REM1: variants seen among roughly 807,000 people sequenced by gnomAD.
REM1 encodes the protein GTP-binding protein REM 1.
A neutral mutation model predicts 27.0 loss-of-function variants in REM1; 20 were observed. That is an observed-to-expected ratio of 0.74 (90% CI 0.52 to 1.08). REM1 has a LOEUF of 1.08. Among genes scored for constraint, REM1 ranks in the 50% least tolerant of loss-of-function variants. The pLI is 0.00. For synonymous variants in REM1, 159 were observed against 167.9 expected, an observed-to-expected ratio of 0.95 and a Z score of 0.41; for missense variants, 405 against 407.0, an observed-to-expected ratio of 1.00 and a Z score of 0.04.
chr20:31,476,755 C>G lies in REM1; in HGVS notation c.310C>G (p.Gln104Glu). ...TSLASLFAGK[Q>E]ERDLHEQLGE... ...CTTGGCCAGCCTCTTTGCAGGGAAG[C>G]AAGAGAGGGACCTCCATGAACAGCT... is the stretch of plus-strand genomic sequence containing the variant. The change falls in exon 2 of 5, where the codon CAA becomes GAA. Residue 104 changes from glutamine (Q) to glutamate (E), a missense_variant. Transcript: ENST00000201979. 1 of 1,612,910 alleles carries G rather than the reference C, an allele frequency of 6.2e-7. No individual in the cohort carries two copies. Among genetic ancestry groups the G allele is most frequent in the Non-Finnish European group, 8.5e-7 (1 of 1,179,460 alleles).
chr20:31,480,234 GATACATACATACACACATACATACATAC>G (rs1265802452), intron 3 of REM1, among the ~76,000 whole-genome samples: 15 of 138,182 alleles, frequency 1.1e-4, no homozygotes, highest in African/African-American at 3.9e-4. Context: ...TAGATAGACA[GATACATACATACACACATACATACATAC>G]ATACATACAT....
At chr20:31,481,304 C>T (rs1326756410) in intron 3 of REM1, among the ~76,000 whole-genome samples, 2 of 151,982 alleles carry the variant, frequency 1.3e-5, no homozygotes, top group African/African-American at 4.8e-5. Flanking sequence ...AAATTTCTGG[C>T]TTCTTCACTA....
In REM1 at chr20:31,482,391, C is replaced by T. The variant is rs1171855064; in HGVS notation, c.528C>T (p.Arg176=). The stretch of plus-strand genomic sequence containing the variant: ...GCTTTGAGAGTGCCTCTGAGCTCCG[C>T]ATCCAGCTGCGGCGCACACATCAGG... ...RGSFESASEL[R]IQLRRTHQAD... Residue 176 remains arginine (R), a synonymous_variant, in exon 4 of 5, where the codon CGC becomes CGT. Coordinates refer to ENST00000201979, the MANE Select transcript of REM1 (RefSeq NM_014012.6). 1.9e-6 allele frequency: 3 copies of T among 1,614,086 alleles called. No individual in the cohort carries two copies. The highest frequency in any genetic ancestry group is 1.7e-6 in the Non-Finnish European group (2 of 1,180,046).
Position 31,483,384 on chromosome 20 carries a change from C to T in REM1, c.626-775C>T, listed in dbSNP as rs116299339. The stretch of plus-strand genomic sequence containing the variant: ...ACCAGGATGATAGGCCCAGTGCCTA[C>T]AGGCTTTTCAAGGGCTTACATTTGA... On this transcript the variant is annotated intron_variant, in intron 4 of 4. Transcript: ENST00000201979. 6.2e-3 allele frequency among the ~76,000 whole-genome samples: 946 copies of T among 152,334 alleles called. 13 individuals are homozygous for T. The highest frequency in any genetic ancestry group is 0.022 in the African/African-American group (896 of 41,570).
chr20:31,484,021 T>C (rs1349414980), intron 4 of REM1, 138 bp from the exon 5 acceptor site: 5 of 979,456 alleles, frequency 5.1e-6, no homozygotes, highest in Non-Finnish European at 7.2e-6. Flanking sequence ...GTCTGATTTA[T>C]CTGAGTCCCC....
In REM1 at chr20:31,476,579, G is replaced by C. The variant is rs543891151; in HGVS notation, c.134G>C (p.Arg45Pro). Residue 45 changes from arginine (R) to proline (P), a missense_variant, in exon 2 of 5, where the codon CGG becomes CCG. Transcript: ENST00000201979. ...CCTTCCACTCAATCCCAGCATCCCCGGCTGGGCCAATCAGCCTCCCTCAAC... is the reference window on the plus strand; with the variant it reads ...CCTTCCACTCAATCCCAGCATCCCCCGCTGGGCCAATCAGCCTCCCTCAAC... Reference protein sequence around the residue: ...TVPSTQSQHPRLGQSASLNPP... With the variant: ...TVPSTQSQHPPLGQSASLNPP... The C allele has an allele frequency of 5.0e-6, 8 of 1,613,932 alleles. No individual in the cohort carries two copies. Among genetic ancestry groups the C allele is most frequent in the Non-Finnish European group, 6.8e-6 (8 of 1,180,000 alleles).
chr20:31,484,081 C>T, intron 4 of REM1, 78 bp from the exon 5 acceptor site: 1 of 1,439,646 alleles, frequency 6.9e-7, no homozygotes, highest in Non-Finnish European at 9.2e-7. Context: ...CCAATCGAGA[C>T]TAAACACATC....
In REM1 at chr20:31,484,283, T is replaced by G; in HGVS notation, c.750T>G (p.Ser250Arg). Residue 250 changes from serine (S) to arginine (R), a missense_variant, in exon 5 of 5, where the codon AGT becomes AGG. Coordinates refer to ENST00000201979, the MANE Select transcript of REM1 (RefSeq NM_014012.6). ...VRQLRLRRRDSAAKEPPAPRR... is the reference protein window; with the variant it reads ...VRQLRLRRRDRAAKEPPAPRR... ...AACTGCGCTTGCGCCGCCGGGACAG[T>G]GCGGCCAAGGAACCCCCAGCACCCC... is the stretch of plus-strand genomic sequence containing the variant. 6.3e-7 allele frequency: 1 copy of G among 1,591,908 alleles called. No individual in the cohort carries two copies. The highest frequency in any genetic ancestry group is 8.5e-7 in the Non-Finnish European group (1 of 1,170,198).
chr20:31,481,694 G>T (rs1332457118), intron 3 of REM1, among the ~76,000 whole-genome samples: 2 of 152,132 alleles, frequency 1.3e-5, no homozygotes, highest in Non-Finnish European at 2.9e-5. Flanking sequence ...CAAAAGCACT[G>T]CAGTTCTTTC....
chr20:31,479,960 A>G (rs758405180), intron 3 of REM1, among the ~76,000 whole-genome samples: 24 of 152,060 alleles, frequency 1.6e-4, no homozygotes, highest in African/African-American at 3.4e-4. Flanking sequence ...GTGGTGGTGC[A>G]TGCCTGTAAT....
chr20:31,476,702 T>C lies in REM1; in HGVS notation c.257T>C (p.Leu86Pro). Residue 86 changes from leucine (L) to proline (P), a missense_variant, in exon 2 of 5, where the codon CTT becomes CCT. Leu to Pro is a moderately conservative substitution (Grantham distance 98). Coordinates refer to ENST00000201979, the MANE Select transcript of REM1 (RefSeq NM_014012.6). Reference protein sequence around the residue: ...SWEALYRVVLLGDPGVGKTSL... With the variant: ...SWEALYRVVLPGDPGVGKTSL... The stretch of plus-strand genomic sequence containing the variant: ...GAGGCTCTCTACCGTGTGGTGCTAC[T>C]TGGAGATCCTGGAGTGGGGAAGACC... The C allele has an allele frequency of 6.2e-7, 1 of 1,614,102 alleles. No individual in the cohort carries two copies. Among genetic ancestry groups the C allele is most frequent in the Non-Finnish European group, 8.5e-7 (1 of 1,180,002 alleles).
rs940082567 is a variant in REM1, at chr20:31,476,933, G to GC, written c.340+155dup. On this transcript the variant is annotated intron_variant, in intron 2 of 4. Transcript: ENST00000201979. ...TCACTTAGACTATGACATGCACGATGCCCCCCCGCCCTCCAAAGTTGTACA... is the reference window on the plus strand; with the variant it reads ...TCACTTAGACTATGACATGCACGATGCCCCCCCCGCCCTCCAAAGTTGTACA... 7.8e-5 allele frequency: 52 copies of GC among 666,696 alleles called. 1 individual carries two copies. Among genetic ancestry groups the GC allele is most frequent in the Admixed American group, 5.8e-4 (18 of 31,126 alleles). The allele number at this position is 666,696 out of a possible 1,614,324, so 41.3% of individuals were successfully genotyped here.
chr20:31,478,523 C>T lies in REM1; in HGVS notation c.423+613C>T, dbSNP rs569173611. ...ATCAGGGCAGGAAGACAGCAGTAGGCAGGAATATGTCCCTATTATGATTTT... is the reference window on the plus strand; with the variant it reads ...ATCAGGGCAGGAAGACAGCAGTAGGTAGGAATATGTCCCTATTATGATTTT... On this transcript the variant is annotated intron_variant, in intron 3 of 4. Transcript: ENST00000201979. Among the ~76,000 whole-genome samples the T allele has an allele frequency of 5.9e-5, 9 of 152,318 alleles. No individual in the cohort carries two copies. The East Asian group carries it at 1.7e-3, about 29-fold the overall frequency.
In REM1 at chr20:31,484,586, T is replaced by C; in HGVS notation, c.*156T>C. 2.1e-6 allele frequency: 2 copies of C among 942,912 alleles called. No individual in the cohort carries two copies. Among genetic ancestry groups the C allele is most frequent in the Non-Finnish European group, 2.9e-6 (2 of 680,612 alleles). 58.4% of individuals were successfully genotyped at this position (942,912 alleles called of 1,614,324 possible). ...CCTGAGCATCCCCCAGATCCAAGCC[T>C]GGGGGATCCCGGGAAAGCGATGGAC... On this transcript the variant is annotated 3_prime_UTR_variant, in exon 5 of 5. Coordinates refer to ENST00000201979, the MANE Select transcript of REM1 (RefSeq NM_014012.6).
chr20:31,482,565 A>C (rs991028348), intron 4 of REM1, 77 bp downstream of exon 4: 88 of 1,404,298 alleles, frequency 6.3e-5, no homozygotes, highest in Middle Eastern at 2.4e-4. Context: ...TCTTCATCTC[A>C]GTGACTGTCC....
chr20:31,483,596 A>G (rs1980803501), intron 4 of REM1, among the ~76,000 whole-genome samples: 1 of 152,158 alleles, frequency 6.6e-6, no homozygotes, highest in South Asian at 2.1e-4. Flanking sequence ...TTGACATATC[A>G]GATAGGGCCC....
At chr20:31,479,252 T>C (rs1980634366) in intron 3 of REM1, among the ~76,000 whole-genome samples, 1 of 152,216 alleles carries the variant, frequency 6.6e-6, no homozygotes, top group African/African-American at 2.4e-5. Flanking sequence ...TGCTCATTCA[T>C]TCATTCAGAA....
intron 4 of REM1, among the ~76,000 whole-genome samples, chr20:31,483,580 A>G (rs780952851): frequency 6.6e-6 from 1 of 152,184 alleles, no homozygotes; most frequent in Non-Finnish European, 1.5e-5. Context: ...GACTATTTTA[A>G]TAAGTTTGAC....
chr20:31,477,270 A>C (rs1307677717), intron 2 of REM1, among the ~76,000 whole-genome samples: 1 of 152,010 alleles, frequency 6.6e-6, no homozygotes, highest in Non-Finnish European at 1.5e-5. Flanking sequence ...CTTTATTCCC[A>C]AGAACTGCTG....
Sources: allele counts gnomAD v4.1 joint callset (sites outside exome capture counted in the v4.1 genomes callset), GRCh38; gene constraint gnomAD v4.1.1; transcripts MANE v1.5; gene names NCBI Gene and HGNC (gene_info 2026-07-23, HGNC 2026-07-21).